Variants in CPQ observed in about 807,000 individuals in gnomAD.
The protein encoded by CPQ is Ser-Met dipeptidase.
CPQ carries 37 observed loss-of-function variants against 45.7 expected under a neutral mutation model. That is an observed-to-expected ratio of 0.81 (90% CI 0.62 to 1.07). The LOEUF is 1.07. CPQ is among the 50% of genes least tolerant of loss of function. CPQ has a pLI of 0.00. For missense variants in CPQ, 537 were observed against 572.9 expected (o/e 0.94, Z 0.64); for synonymous variants, 186 against 205.8 (o/e 0.90, Z 0.82).
At chr8:96,839,820 TA>T (rs1811583123) in intron 3 of CPQ, among the ~76,000 whole-genome samples, 1 of 152,212 alleles carries the variant, frequency 6.6e-6, no homozygotes, top group Non-Finnish European at 1.5e-5. Context: ...AATTACTATT[TA>T]TTAAGCACCA....
At chr8:96,817,711 T>G (rs528072539) in intron 2 of CPQ, among the ~76,000 whole-genome samples, 2 of 151,928 alleles carry the variant, frequency 1.3e-5, no homozygotes, top group Non-Finnish European at 2.9e-5. Flanking sequence ...TCTCCCAGGC[T>G]CAAGCAATCC....
At chr8:96,804,385 G>T (rs1171688681) in intron 2 of CPQ, among the ~76,000 whole-genome samples, 1 of 152,140 alleles carries the variant, frequency 6.6e-6, no homozygotes, top group Non-Finnish European at 1.5e-5. Context: ...GAAGCACAGA[G>T]AACTGGGAAT....
intron 7 of CPQ, among the ~76,000 whole-genome samples, chr8:97,114,717 GT>G (rs1296282593): frequency 6.6e-6 from 1 of 152,212 alleles, no homozygotes; most frequent in Admixed American, 6.5e-5. Flanking sequence ...CAATAGAGAT[GT>G]TATTGCCAGT....
intron 1 of CPQ, among the ~76,000 whole-genome samples, chr8:96,724,032 C>A (rs1809800018): frequency 6.6e-6 from 1 of 151,994 alleles, no homozygotes; most frequent in South Asian, 2.1e-4. Flanking sequence ...CCTCACCAAC[C>A]TATCTCTCTG....
At chr8:96,920,062 T>C (rs1385401880) in intron 4 of CPQ, among the ~76,000 whole-genome samples, 1 of 152,218 alleles carries the variant, frequency 6.6e-6, no homozygotes, top group Non-Finnish European at 1.5e-5. Flanking sequence ...TAAAACAGCA[T>C]AATGCCTGGT....
At chr8:97,040,488 T>A (rs1036439305) in intron 6 of CPQ, among the ~76,000 whole-genome samples, 9 of 152,198 alleles carry the variant, frequency 5.9e-5, no homozygotes, top group Non-Finnish European at 1.3e-4. Flanking sequence ...TTTAGTTTAA[T>A]TAGATCCTAT....
At chr8:96,725,727 T>C (rs1809828166) in intron 1 of CPQ, among the ~76,000 whole-genome samples, 1 of 152,176 alleles carries the variant, frequency 6.6e-6, no homozygotes, top group South Asian at 2.1e-4. Context: ...GCAATCCCAT[T>C]ATTTGGTATA....
chr8:97,023,998 C>T (rs1809754150), intron 5 of CPQ, among the ~76,000 whole-genome samples: 2 of 152,178 alleles, frequency 1.3e-5, no homozygotes, highest in Admixed American at 6.5e-5. Flanking sequence ...TTTACATTTC[C>T]ATCCTCAGCC....
At chr8:96,729,176 G>T (rs1449234221) in intron 1 of CPQ, among the ~76,000 whole-genome samples, 1 of 152,132 alleles carries the variant, frequency 6.6e-6, no homozygotes, top group Admixed American at 6.5e-5. Context: ...AACTGAGATG[G>T]GGTGGAACCT....
chr8:97,014,152 T>C (rs961296555), intron 5 of CPQ, among the ~76,000 whole-genome samples: 4 of 152,140 alleles, frequency 2.6e-5, no homozygotes, highest in African/African-American at 9.7e-5. Flanking sequence ...AAGCAGTTAG[T>C]TGGCGATTGC....
chr8:96,941,318 T>C (rs1813121081), intron 4 of CPQ, among the ~76,000 whole-genome samples: 1 of 152,144 alleles, frequency 6.6e-6, no homozygotes, highest in Non-Finnish European at 1.5e-5. Flanking sequence ...CTTACTATTA[T>C]AAACTTGATG....
intron 1 of CPQ, among the ~76,000 whole-genome samples, chr8:96,762,802 G>T (rs969264037): frequency 6.6e-6 from 1 of 152,090 alleles, no homozygotes; most frequent in Non-Finnish European, 1.5e-5. Context: ...GGTCACAAAG[G>T]TTTTCTTCTA....
chr8:96,730,895 ATT>A (rs34672701), intron 1 of CPQ, among the ~76,000 whole-genome samples: 1 of 122,342 alleles, frequency 8.2e-6, no homozygotes, highest in African/African-American at 2.8e-5. Context: ...ATATATATGC[ATT>A]TTTTTTTAAA....
At chr8:96,939,782 G>A (rs1813101300) in intron 4 of CPQ, among the ~76,000 whole-genome samples, 1 of 152,048 alleles carries the variant, frequency 6.6e-6, no homozygotes, top group Admixed American at 6.6e-5. Flanking sequence ...GAACATTTTT[G>A]TCCGTGTCTC....
At chr8:96,664,243 T>C (rs1808890085) in intron 1 of CPQ, among the ~76,000 whole-genome samples, 1 of 151,610 alleles carries the variant, frequency 6.6e-6, no homozygotes, top group African/African-American at 2.4e-5. Flanking sequence ...ATGAACAGAG[T>C]ATTTGGCTTT....
chr8:96,857,024 T>C (rs1197017451), intron 3 of CPQ, among the ~76,000 whole-genome samples: 1 of 152,134 alleles, frequency 6.6e-6, no homozygotes, highest in East Asian at 1.9e-4. Context: ...GCTAGGGAAA[T>C]TGTCCGAGTC....
At chr8:97,093,077 T>G (rs948925023) in intron 7 of CPQ, 1 of 152,110 alleles carries the variant, frequency 6.6e-6, no homozygotes, top group Non-Finnish European at 1.5e-5. Flanking sequence ...ATGCTCAACA[T>G]CATTAATCAT....
chr8:96,888,503 C>T (rs1009714018), intron 4 of CPQ, among the ~76,000 whole-genome samples: 7 of 152,140 alleles, frequency 4.6e-5, no homozygotes, highest in African/African-American at 7.2e-5. Context: ...AGCAACAAGA[C>T]GTCATGGAAG....
chr8:97,094,615 A>G (rs35545747), intron 7 of CPQ, among the ~76,000 whole-genome samples: 7 of 152,060 alleles, frequency 4.6e-5, no homozygotes, highest in Admixed American at 2.0e-4. Context: ...CTTCTTATCC[A>G]GGGCTATGTT....
Sources: gnomAD v4.1 joint callset for allele counts (sites outside exome capture counted in the v4.1 genomes callset) on GRCh38, gnomAD v4.1.1 for gene constraint, MANE v1.5 for transcripts, NCBI Gene and HGNC (gene_info 2026-07-23, HGNC 2026-07-21) for gene names.